Variants in PTPRR observed in about 807,000 individuals in gnomAD.
PTPRR encodes the protein receptor-type tyrosine-protein phosphatase R.
In PTPRR, 38 loss-of-function variants were observed where a neutral mutation model predicts 77.2. The ratio of observed to expected loss-of-function variants is 0.49; its 90% CI spans 0.38 to 0.65. The LOEUF (loss-of-function observed/expected upper bound fraction) is 0.65. PTPRR is among the 30% of genes least tolerant of loss of function. The pLI is 0.00. For synonymous variants in PTPRR, 299 were observed against 283.1 expected (o/e 1.06, Z -0.57); for missense variants, 744 against 799.2 (o/e 0.93, Z 0.83).
chr12:70,824,965 A>G (rs1892083720), intron 2 of PTPRR, among the ~76,000 whole-genome samples: 1 of 152,178 alleles, frequency 6.6e-6, no homozygotes, highest in Non-Finnish European at 1.5e-5. Context: ...TCGTTGCTCC[A>G]TGTACAGTCA....
At chr12:70,850,724 G>A (rs748107868) in intron 2 of PTPRR, among the ~76,000 whole-genome samples, 23 of 152,124 alleles carry the variant, frequency 1.5e-4, no homozygotes, top group Non-Finnish European at 2.8e-4. Context: ...TGGGGAATAC[G>A]AAATTGATGT....
chr12:70,669,478 A>ATG (rs1213257816), intron 10 of PTPRR, among the ~76,000 whole-genome samples: 3 of 146,198 alleles, frequency 2.1e-5, no homozygotes, highest in South Asian at 2.2e-4. Flanking sequence ...CACACAAGCT[A>ATG]TGTGTGTGTG....
intron 2 of PTPRR, among the ~76,000 whole-genome samples, chr12:70,892,314 A>C (rs1893351366): frequency 6.6e-6 from 1 of 152,072 alleles, no homozygotes. Flanking sequence ...ACACAGGCTG[A>C]GACTAAGGCC....
intron 2 of PTPRR, among the ~76,000 whole-genome samples, chr12:70,820,669 C>T (rs1055807148): frequency 2.6e-5 from 4 of 152,118 alleles, no homozygotes; most frequent in Non-Finnish European, 4.4e-5. Flanking sequence ...TTGGGCTCTG[C>T]CTTTGGCCAG....
intron 2 of PTPRR, among the ~76,000 whole-genome samples, chr12:70,891,487 A>C (rs1361412088): frequency 2.0e-5 from 3 of 152,262 alleles, no homozygotes. Context: ...AAATGCAGAA[A>C]ACTTGTTCAA....
chr12:70,639,361 T>C (rs1031806562), intron 13 of PTPRR, 84 bp from the exon 14 acceptor site: 8 of 1,503,054 alleles, frequency 5.3e-6, no homozygotes, highest in Non-Finnish European at 7.3e-6. Flanking sequence ...CAAGCTAGGG[T>C]ATTATGCCAA....
chr12:70,885,870 A>T (rs4760840), intron 2 of PTPRR, among the ~76,000 whole-genome samples: 32,387 of 152,004 alleles, frequency 0.21, 4,554 homozygotes, highest in Admixed American at 0.4. Flanking sequence ...CCTTATCTAA[A>T]CTTTCTAAAT....
intron 5 of PTPRR, among the ~76,000 whole-genome samples, chr12:70,751,131 A>G (rs949236021): frequency 1.3e-5 from 2 of 152,118 alleles, no homozygotes; most frequent in Non-Finnish European, 2.9e-5. Flanking sequence ...TTTAAGAACC[A>G]TCTGAACACG....
chr12:70,654,306 G>A (rs975951835), intron 13 of PTPRR, among the ~76,000 whole-genome samples: 5 of 152,064 alleles, frequency 3.3e-5, no homozygotes, highest in East Asian at 1.9e-4. Flanking sequence ...GGCCTGGCAC[G>A]GTGGCTCACA....
At chr12:70,859,796 A>G (rs542871723) in intron 2 of PTPRR, among the ~76,000 whole-genome samples, 5 of 152,076 alleles carry the variant, frequency 3.3e-5, no homozygotes, top group African/African-American at 1.2e-4. Flanking sequence ...TTTTCTCCCA[A>G]ATAATTTATC....
intron 5 of PTPRR, among the ~76,000 whole-genome samples, chr12:70,747,244 A>G (rs1183308156): frequency 6.6e-6 from 1 of 152,218 alleles, no homozygotes; most frequent in African/African-American, 2.4e-5. Context: ...TATCAATCAG[A>G]TGATACATAT....
At chr12:70,880,756 A>G (rs1033555113) in intron 2 of PTPRR, among the ~76,000 whole-genome samples, 8 of 152,156 alleles carry the variant, frequency 5.3e-5, no homozygotes, top group African/African-American at 1.9e-4. Context: ...ACATCTGAGA[A>G]GCCCATTGTC....
chr12:70,720,645 G>A (rs903091665), intron 6 of PTPRR, among the ~76,000 whole-genome samples: 3 of 151,606 alleles, frequency 2.0e-5, no homozygotes, highest in African/African-American at 7.3e-5. Context: ...CAGAGTAGCT[G>A]GCTAATTTTT....
At chr12:70,826,960 T>C (rs1460025157) in intron 2 of PTPRR, among the ~76,000 whole-genome samples, 1 of 152,182 alleles carries the variant, frequency 6.6e-6, no homozygotes, top group Non-Finnish European at 1.5e-5. Context: ...GGCCTTGCTC[T>C]TCCACCCTCC....
intron 8 of PTPRR, among the ~76,000 whole-genome samples, chr12:70,696,896 T>C (rs1565652416): frequency 6.6e-6 from 1 of 152,188 alleles, no homozygotes; most frequent in Non-Finnish European, 1.5e-5. Context: ...TCACTTAGCA[T>C]GATGTTTTCA....
intron 5 of PTPRR, among the ~76,000 whole-genome samples, chr12:70,751,666 A>C (rs1037511808): frequency 6.6e-6 from 1 of 151,664 alleles, no homozygotes; most frequent in Non-Finnish European, 1.5e-5. Flanking sequence ...AGCACTTATC[A>C]ACATTTGATT....
intron 2 of PTPRR, among the ~76,000 whole-genome samples, chr12:70,866,358 C>T (rs746398991): frequency 0.12 from 18,488 of 151,650 alleles, 2,066 homozygotes; most frequent in African/African-American, 0.31. Context: ...ATATCACCAC[C>T]GATCCCACAG....
rs1298560784 is a variant in PTPRR at position 70,892,916 on chromosome 12, CG to C, written c.119del (p.Pro40ArgfsTer17). 1 of 1,613,250 alleles carries C rather than the reference CG, an allele frequency of 6.2e-7. No individual in the cohort carries two copies. Among genetic ancestry groups the C allele is most frequent in the Admixed American group, 1.7e-5 (1 of 59,904 alleles). On this transcript the variant is annotated frameshift_variant, in exon 2 of 14. Transcript: ENST00000283228. LOFTEE classifies it high-confidence loss of function. ...LAINQKKSGK[P>X]VFIYKHSQDI... ...CTTGTGAATGCTTATAAATGAATAC[CG>C]GCTTCCCACTCTTCTTCTGATTAAT...
In PTPRR at chr12:70,731,755, A is replaced by G. The variant is rs114941137; in HGVS notation, c.1007+14063T>C. On this transcript the variant is annotated intron_variant, in intron 6 of 13. Coordinates refer to ENST00000283228, the MANE Select transcript of PTPRR (RefSeq NM_002849.4). ...ATGTCTAACTCCCATGAGTAAGGCT[A>G]ACTCTGTATCATTCAGTCAATTTTT... Among the ~76,000 whole-genome samples the G allele has an allele frequency of 2.1e-3, 316 of 152,302 alleles. 2 individuals carry two copies. The highest frequency in any genetic ancestry group is 7.2e-3 in the African/African-American group (301 of 41,558).
Sources: gnomAD v4.1 joint callset for allele counts (sites outside exome capture counted in the v4.1 genomes callset) on GRCh38, gnomAD v4.1.1 for gene constraint, MANE v1.5 for transcripts, NCBI Gene and HGNC (gene_info 2026-07-23, HGNC 2026-07-21) for gene names.